The following AKAP4 variants were observed in gnomAD, a reference collection of about 807,000 sequenced individuals.
AKAP4 encodes the protein A-kinase anchoring protein 4.
In AKAP4, 4 loss-of-function variants were observed where a neutral mutation model predicts 42.6. The observed-to-expected ratio is 0.09, with a 90% CI of 0.05 to 0.22. The LOEUF is 0.22. Among genes scored for constraint, AKAP4 ranks in the 10% least tolerant of loss-of-function variants. AKAP4 has a pLI of 1.00. For missense variants in AKAP4, 551 were observed against 630.7 expected, an observed-to-expected ratio of 0.87 and a Z score of 1.35; for synonymous variants, 223 against 233.0, an observed-to-expected ratio of 0.96 and a Z score of 0.39.
At position 50,196,940 on chromosome X, in the gene AKAP4, T is replaced by C. The variant is rs190421799; in HGVS notation, c.227A>G (p.Glu76Gly). 16 of 1,208,880 alleles carry C rather than the reference T, an allele frequency of 1.3e-5. No individual in the cohort carries two copies. The highest frequency in any genetic ancestry group is 1.8e-5 in the South Asian group (1 of 56,704). The change falls in exon 4 of 6, where the codon GAA (glutamate) becomes GGA (glycine). Residue 76 changes from glutamate to glycine, a missense_variant. By Grantham distance (98) the Glu-to-Gly change is moderately conservative. Transcript: ENST00000358526. ...GTCCTTGATCACGATAATCTCTTTT[T>C]CTTCCAGACTTCCCAGGTTTAAGTT... ...EGNLNLGSLE[E>G]KEIIVIKDTE... is the part of the protein sequence containing the mutation.
Position 50,193,204 on chromosome X carries a change from C to T in AKAP4, c.1509G>A (p.Glu503=), listed in dbSNP as rs143420996. 9 of 1,211,743 alleles carry T rather than the reference C, an allele frequency of 7.4e-6. No homozygotes were observed. Among genetic ancestry groups the T allele is most frequent in the Non-Finnish European group, 1.0e-5 (9 of 895,549 alleles). The change falls in exon 5 of 6, where the codon GAG becomes GAA. Residue 503 remains glutamate, a synonymous_variant. Coordinates refer to ENST00000358526, the MANE Select transcript of AKAP4 (RefSeq NM_003886.3). ...AEKVGEHILK[E]GLTIWNQKQG... is the part of the protein sequence containing the mutation. ...GCTTTTGGTTCCAGATGGTTAGGCCCTCTTTGAGAATGTGTTCACCGACTT... is the reference window on the plus strand; with the variant it reads ...GCTTTTGGTTCCAGATGGTTAGGCCTTCTTTGAGAATGTGTTCACCGACTT...
At chrX:50,196,578 A>C (rs782711348) in intron 4 of AKAP4, among the ~76,000 whole-genome samples, 40 of 111,485 alleles carry the variant, frequency 3.6e-4, no homozygotes, top group South Asian at 7.9e-4. Context: ...GATGCTGGGC[A>C]ATGTGGGGCA....
Position 50,191,065 on chromosome X carries a change from A to G in AKAP4, c.2460T>C (p.Gly820=). 1 of 1,210,498 alleles carries G rather than the reference A, an allele frequency of 8.3e-7. No individual in the cohort carries two copies. The stretch of plus-strand genomic sequence containing the variant: ...CAAACTTCATGACCTCTTGAAGAAG[A>G]CCTCCTACACTGTACCCCTTCTCTG... ...KAAEKGYSVG[G]LLQEVMKFAK... The change falls in exon 6 of 6, where the codon GGT becomes GGC. Residue 820 remains glycine (G), a synonymous_variant. Transcript: ENST00000358526.
In AKAP4 at chrX:50,197,595, C is replaced by G; in HGVS notation, c.124-1G>C. The G allele has an allele frequency of 8.3e-7, 1 of 1,203,215 alleles. No homozygotes were observed. The highest frequency in any genetic ancestry group is 1.1e-6 in the Non-Finnish European group (1 of 889,166). On this transcript the variant is annotated splice_acceptor_variant, in intron 2 of 5. Coordinates refer to ENST00000358526, the MANE Select transcript of AKAP4 (RefSeq NM_003886.3). LOFTEE classifies it high-confidence loss of function. The stretch of plus-strand genomic sequence containing the variant: ...GGGTGGACACATCGACAAAGCATAT[C>G]TGCATCAAATTAGAAGGGTGAATTT...
rs1285907590 is a variant in AKAP4, at chrX:50,190,871, G to A, written c.*89C>T. On this transcript the variant is annotated 3_prime_UTR_variant, in exon 6 of 6. Transcript: ENST00000358526. ...GTATTGGGAAATACAGTTGTGTATTGTGCAGTTGACTGGCCTGATGGTGGG... is the reference window on the plus strand; with the variant it reads ...GTATTGGGAAATACAGTTGTGTATTATGCAGTTGACTGGCCTGATGGTGGG... 2 of 1,080,941 alleles carry A rather than the reference G, an allele frequency of 1.9e-6. No individual in the cohort carries two copies. Among genetic ancestry groups the A allele is most frequent in the Non-Finnish European group, 2.5e-6 (2 of 792,518 alleles). 89.1% of individuals were successfully genotyped at this position (1,080,941 alleles called of 1,213,427 possible). A position where few individuals can be genotyped will look rare whatever the true frequency, so the allele number is the denominator to read the frequency against.
chrX:50,196,979 G>A lies in AKAP4; in HGVS notation c.188C>T (p.Ser63Phe). Residue 63 changes from serine (S) to phenylalanine (F), a missense_variant, in exon 4 of 6, where the codon TCC becomes TTC. By Grantham distance (155) the Ser-to-Phe change is radical. Coordinates refer to ENST00000358526, the MANE Select transcript of AKAP4 (RefSeq NM_003886.3). The stretch of plus-strand genomic sequence containing the variant: ...CAGGTTTAAGTTGCCTTCTGAGCTG[G>A]AACTAGCAGCATCCTATGGAATTAA... ...EDKDYKDAAS[S>F]SSEGNLNLGS... 8.3e-7 allele frequency: 1 copy of A among 1,199,487 alleles called. No homozygotes were observed. Among genetic ancestry groups the A allele is most frequent in the South Asian group, 1.8e-5 (1 of 56,630 alleles).
At chrX:50,191,179 G>C in intron 5 of AKAP4, 64 bp from the exon 6 acceptor site, 1 of 1,157,921 alleles carries the variant, frequency 8.6e-7, no homozygotes, top group Non-Finnish European at 1.2e-6. Flanking sequence ...CCTGCTGGAC[G>C]AAGTTCTACC....
intron 4 of AKAP4, among the ~76,000 whole-genome samples, chrX:50,195,742 T>C (rs1557204283): frequency 8.9e-6 from 1 of 112,110 alleles, no homozygotes; most frequent in Non-Finnish European, 1.9e-5. Context: ...TATAATTGCT[T>C]GTATAAATTG....
At chrX:50,198,373 T>C (rs1456357768) in intron 2 of AKAP4, among the ~76,000 whole-genome samples, 1 of 109,623 alleles carries the variant, frequency 9.1e-6, no homozygotes, top group African/African-American at 3.3e-5. Context: ...ACTTAAGAGG[T>C]CTTAACTAAT....
At position 50,196,904 on chromosome X, in the gene AKAP4, T is replaced by A. The variant is rs200799849; in HGVS notation, c.263A>T (p.Lys88Ile). The A allele has an allele frequency of 8.3e-7, 1 of 1,203,293 alleles. No homozygotes were observed. The highest frequency in any genetic ancestry group is 1.8e-5 in the African/African-American group (1 of 57,025). ...GGTTAAGTGTACCTTAGACTGGTCTTTCTTCTCAGTGTCCTTGATCACGAT... is the reference window on the plus strand; with the variant it reads ...GGTTAAGTGTACCTTAGACTGGTCTATCTTCTCAGTGTCCTTGATCACGAT... ...EIIVIKDTEK[K>I]DQSKTEGSVC... Residue 88 changes from lysine to isoleucine, a missense_variant, in exon 4 of 6, where the codon AAA becomes ATA. Physicochemically the swap from Lys to Ile is moderately radical, Grantham distance 102 (BLOSUM62 -3). Coordinates refer to ENST00000358526, the MANE Select transcript of AKAP4 (RefSeq NM_003886.3).
rs782029084 is a variant in AKAP4 at position 50,197,589 on chromosome X, G to A, written c.129C>T (p.Cys43=). Residue 43 remains cysteine (C), a synonymous_variant, in exon 3 of 6, where the codon TGC becomes TGT. Coordinates refer to ENST00000358526, the MANE Select transcript of AKAP4 (RefSeq NM_003886.3). The stretch of plus-strand genomic sequence containing the variant: ...CATTCAGGGTGGACACATCGACAAA[G>A]CATATCTGCATCAAATTAGAAGGGT... The part of the protein sequence containing the change: ...GQQDQDRKVI[C]FVDVSTLNVE... 3.3e-6 allele frequency: 4 copies of A among 1,200,802 alleles called. No individual in the cohort carries two copies. The highest frequency in any genetic ancestry group is 4.5e-6 in the Non-Finnish European group (4 of 888,574).
At chrX:50,198,858 T>C (rs1422269461) in intron 1 of AKAP4, 106 bp from the exon 2 acceptor site, 10 of 584,370 alleles carry the variant, frequency 1.7e-5, no homozygotes, top group African/African-American at 2.3e-5. Flanking sequence ...CATTTCTGTG[T>C]TTCATATATA....
chrX:50,197,642 G>T lies in AKAP4; in HGVS notation c.124-48C>A, dbSNP rs111645247. 11,510 of 1,084,570 alleles carry T rather than the reference G, an allele frequency of 0.011. 721 individuals carry two copies. The African/African-American group carries it at 0.18, about 17-fold the overall frequency. 89.4% of individuals were successfully genotyped at this position (1,084,570 alleles called of 1,213,427 possible). A position where few individuals can be genotyped will look rare whatever the true frequency, so the allele number is the denominator to read the frequency against. Reference sequence around the variant, plus strand: ...ATTTAGAAAAACTCTAGAGAAAGGGGCATAATTTCTCTTTCTTGGAGATGA... The same window carrying T: ...ATTTAGAAAAACTCTAGAGAAAGGGTCATAATTTCTCTTTCTTGGAGATGA... On this transcript the variant is annotated intron_variant, in intron 2 of 5. Coordinates refer to ENST00000358526, the MANE Select transcript of AKAP4 (RefSeq NM_003886.3).
In AKAP4 at chrX:50,193,422, C is replaced by T. The variant is rs1935141978; in HGVS notation, c.1291G>A (p.Val431Ile). The T allele has an allele frequency of 8.3e-7, 1 of 1,210,250 alleles. No individual in the cohort carries two copies. Among genetic ancestry groups the T allele is most frequent in the African/African-American group, 1.7e-5 (1 of 57,204 alleles). ...DIMEAMLKRL[V>I]SALIGEEKET... The stretch of plus-strand genomic sequence containing the variant: ...TTCTCCTCACCTATAAGGGCACTGA[C>T]CAAGCGCTTCAGCATGGCCTCCATG... The change falls in exon 5 of 6, where the codon GTC becomes ATC. Residue 431 changes from valine (V) to isoleucine (I), a missense_variant. Transcript: ENST00000358526.
In AKAP4 at chrX:50,198,691, T is replaced by C; in HGVS notation, c.89A>G (p.Asn30Ser). The C allele has an allele frequency of 1.7e-6, 2 of 1,210,434 alleles. No individual in the cohort carries two copies. Among genetic ancestry groups the C allele is most frequent in the South Asian group, 3.5e-5 (2 of 56,845 alleles). The change falls in exon 2 of 6, where the codon AAC (asparagine) becomes AGC (serine). Residue 30 changes from asparagine (N) to serine (S), a missense_variant. Transcript: ENST00000358526. ...HRGVCKVDLY[N>S]PEGQQDQDRK... ...GTCCTGATCTTGCTGTCCTTCTGGG[T>C]TGTAGAGATCTACCTTGCACACACC...
intron 4 of AKAP4, 102 bp downstream of exon 4, chrX:50,196,789 C>T: frequency 1.8e-6 from 1 of 569,495 alleles, no homozygotes; most frequent in Non-Finnish European, 2.9e-6. Context: ...ATTGATGAGC[C>T]TGTTTGACAG....
chrX:50,191,883 A>T (rs1557203660), intron 5 of AKAP4, among the ~76,000 whole-genome samples: 1 of 110,526 alleles, frequency 9.0e-6, no homozygotes, highest in East Asian at 2.8e-4. Context: ...CAAGTTTCAA[A>T]CTGTTTCTGG....
intron 5 of AKAP4, among the ~76,000 whole-genome samples, chrX:50,191,653 T>A (rs1207210015): frequency 2.3e-3 from 135 of 57,545 alleles, no homozygotes; most frequent in African/African-American, 6.9e-3. Context: ...TGTGTGTGTG[T>A]GTGTGTGAGA....
chrX:50,192,196 G>A lies in AKAP4; in HGVS notation c.2409+108C>T, dbSNP rs17174077. ...GGTGAAAGTAATTCATGAAGCACAC[G>A]GTAAAGAATAGACTTGAAACTCGAA... On this transcript the variant is annotated intron_variant, in intron 5 of 5. Transcript: ENST00000358526. 5.7e-3 allele frequency: 4,090 copies of A among 715,924 alleles called. 107 individuals carry two copies. The African/African-American group carries it at 0.083, about 14-fold the overall frequency. The allele number at this position is 715,924 out of a possible 1,213,427, so 59.0% of individuals were successfully genotyped here.
Sources: allele counts gnomAD v4.1 joint callset (sites outside exome capture counted in the v4.1 genomes callset), GRCh38; gene constraint gnomAD v4.1.1; transcripts MANE v1.5; gene names NCBI Gene and HGNC (gene_info 2026-07-23, HGNC 2026-07-21).